KIF4A: variants seen among roughly 807,000 people sequenced by gnomAD.
KIF4A encodes kinesin family member 4A.
A neutral mutation model predicts 105.9 loss-of-function variants in KIF4A; 7 were observed. The observed-to-expected ratio is 0.07, with a 90% CI of 0.04 to 0.12. The LOEUF (loss-of-function observed/expected upper bound fraction) is 0.12, where lower values mean the gene tolerates loss of function less well. Among genes scored for constraint, KIF4A ranks in the 10% least tolerant of loss-of-function variants. KIF4A has a pLI of 1.00. For synonymous variants in KIF4A, 281 were observed against 331.3 expected, an observed-to-expected ratio of 0.85 and a Z score of 1.65; for missense variants, 558 against 929.2, an observed-to-expected ratio of 0.60 and a Z score of 5.19.
At chrX:70,361,023 G>A (rs2086073204) in intron 15 of KIF4A, among the ~76,000 whole-genome samples, 1 of 112,630 alleles carries the variant, frequency 8.9e-6, no homozygotes, top group Non-Finnish European at 1.9e-5. Flanking sequence ...CTATGGACCA[G>A]CCCACCCGTT....
At chrX:70,404,905 C>G (rs780916756) in intron 25 of KIF4A, 83 bp downstream of exon 25, 1 of 597,929 alleles carries the variant, frequency 1.7e-6, no homozygotes, top group African/African-American at 2.3e-5. Context: ...GTACTTGCAG[C>G]AGAGAGTAAT....
chrX:70,359,453 CTCTTTCTT>C (rs1374518799), intron 15 of KIF4A, among the ~76,000 whole-genome samples: 3 of 108,116 alleles, frequency 2.8e-5, no homozygotes, highest in Non-Finnish European at 1.9e-5. Context: ...CTCTCTCTCT[CTCTTTCTT>C]TCTTTCTTTC....
intron 4 of KIF4A, among the ~76,000 whole-genome samples, chrX:70,298,812 A>G (rs2085793693): frequency 1.8e-5 from 2 of 112,450 alleles, no homozygotes; most frequent in African/African-American, 6.5e-5. Context: ...ATGCCATCAA[A>G]GAACTGAATT....
At chrX:70,407,375 A>T (rs1422010221) in intron 28 of KIF4A, among the ~76,000 whole-genome samples, 1 of 111,793 alleles carries the variant, frequency 8.9e-6, no homozygotes, top group Non-Finnish European at 1.9e-5. Flanking sequence ...CCAAAATGCT[A>T]GGATTACAGG....
At chrX:70,380,307 CAA>C (rs538313265) in intron 18 of KIF4A, among the ~76,000 whole-genome samples, 1 of 96,767 alleles carries the variant, frequency 1.0e-5, no homozygotes. Flanking sequence ...GACACTGTCT[CAA>C]AAAAAAAAAG....
intron 10 of KIF4A, among the ~76,000 whole-genome samples, chrX:70,337,227 G>C (rs5980913): frequency 0.022 from 2,457 of 111,574 alleles, 68 homozygotes; most frequent in African/African-American, 0.075. Flanking sequence ...GGTGCATGCC[G>C]AAGTCCCAGC....
intron 3 of KIF4A, among the ~76,000 whole-genome samples, chrX:70,294,880 T>A (rs2085775050): frequency 8.9e-6 from 1 of 112,274 alleles, no homozygotes; most frequent in Non-Finnish European, 1.9e-5. Context: ...GAAACCAGCC[T>A]GGCCAATATG....
chrX:70,306,131 C>A (rs2085825986), intron 7 of KIF4A, among the ~76,000 whole-genome samples: 3 of 111,970 alleles, frequency 2.7e-5, no homozygotes, highest in Non-Finnish European at 5.6e-5. Context: ...TGAGTTATCC[C>A]AGCATCGTTT....
At chrX:70,406,778 G>A (rs2086301814) in intron 27 of KIF4A, 115 bp from the exon 28 acceptor site, 4 of 785,797 alleles carry the variant, frequency 5.1e-6, no homozygotes, top group Non-Finnish European at 7.5e-6. Flanking sequence ...ATTTGAGAGA[G>A]TCTGAAATCT....
chrX:70,413,297 A>G (rs965162088), intron 28 of KIF4A, among the ~76,000 whole-genome samples: 10 of 112,081 alleles, frequency 8.9e-5, no homozygotes, highest in African/African-American at 3.2e-4. Context: ...AAGAAAATAT[A>G]GTGAAGTCAT....
chrX:70,370,387 T>G (rs1449672579), intron 15 of KIF4A, among the ~76,000 whole-genome samples: 2 of 107,836 alleles, frequency 1.9e-5, no homozygotes, highest in Non-Finnish European at 3.8e-5. Flanking sequence ...GTATTATCTA[T>G]TTTTTTATAT....
Position 70,420,391 on chromosome X carries a change from G to A in KIF4A, c.*126G>A, listed in dbSNP as rs2086362462. 3.0e-5 allele frequency: 29 copies of A among 952,407 alleles called. No individual in the cohort carries two copies. Among genetic ancestry groups the A allele is most frequent in the Admixed American group, 7.7e-5 (2 of 25,824 alleles). The allele number at this position is 952,407 out of a possible 1,213,427, so 78.5% of individuals were successfully genotyped here. ...TTGCTGTTGAAAAAAGGAACAAAGC[G>A]TTACTGAAAAGAAGGTAACCTTTGT... On this transcript the variant is annotated 3_prime_UTR_variant, in exon 31 of 31. Coordinates refer to ENST00000374403, the MANE Select transcript of KIF4A (RefSeq NM_012310.5).
intron 7 of KIF4A, among the ~76,000 whole-genome samples, chrX:70,312,363 T>C (rs192707450): frequency 2.7e-5 from 3 of 110,663 alleles, no homozygotes; most frequent in African/African-American, 9.9e-5. Flanking sequence ...CAGGCTGATC[T>C]TGAACTCCTG....
intron 10 of KIF4A, among the ~76,000 whole-genome samples, chrX:70,340,024 TC>T (rs2085966349): frequency 9.0e-6 from 1 of 111,226 alleles, no homozygotes; most frequent in Non-Finnish European, 1.9e-5. Context: ...TATCCAGTAT[TC>T]TCTGCATTCA....
At chrX:70,386,783 C>T in intron 19 of KIF4A, 82 bp downstream of exon 19, 1 of 722,764 alleles carries the variant, frequency 1.4e-6, no homozygotes, top group Non-Finnish European at 2.1e-6. Flanking sequence ...TTTAAACTAG[C>T]AAGCGTCCTG....
intron 3 of KIF4A, among the ~76,000 whole-genome samples, chrX:70,293,763 A>G (rs1219915740): frequency 8.9e-6 from 1 of 112,124 alleles, no homozygotes; most frequent in Non-Finnish European, 1.9e-5. Flanking sequence ...GTAAAAACTG[A>G]TACACCCGTA....
intron 7 of KIF4A, among the ~76,000 whole-genome samples, chrX:70,324,598 T>C (rs1312149567): frequency 1.8e-5 from 2 of 111,810 alleles, no homozygotes; most frequent in Non-Finnish European, 3.8e-5. Flanking sequence ...ATCTGAACCA[T>C]TAAAATAACC....
chrX:70,399,434 G>C (rs1602804871), intron 22 of KIF4A, among the ~76,000 whole-genome samples: 2 of 111,267 alleles, frequency 1.8e-5, no homozygotes, highest in East Asian at 2.8e-4. Flanking sequence ...CTGCCACTGT[G>C]AACTTGACAG....
intron 22 of KIF4A, among the ~76,000 whole-genome samples, chrX:70,399,042 TG>T (rs2086270607): frequency 9.0e-6 from 1 of 111,612 alleles, no homozygotes; most frequent in South Asian, 3.8e-4. Context: ...TAATTAAGAA[TG>T]GTGTTGCGAA....
Sources: allele counts gnomAD v4.1 joint callset (sites outside exome capture counted in the v4.1 genomes callset), GRCh38; gene constraint gnomAD v4.1.1; transcripts MANE v1.5; gene names NCBI Gene and HGNC (gene_info 2026-07-23, HGNC 2026-07-21).